Variants in DPF3 observed in about 807,000 individuals in gnomAD.
DPF3 encodes zinc finger protein DPF3.
A neutral mutation model predicts 56.8 loss-of-function variants in DPF3; 18 were observed. The ratio of observed to expected loss-of-function variants is 0.32; its 90% confidence interval spans 0.22 to 0.47. The LOEUF is 0.47. Among genes scored for constraint, DPF3 ranks in the 20% least tolerant of loss-of-function variants. The pLI, the probability that DPF3 is intolerant of heterozygous loss-of-function variation, is 1.00. For synonymous variants in DPF3, 188 were observed against 180.2 expected (o/e 1.04, Z -0.35); for missense variants, 403 against 488.8 (o/e 0.82, Z 1.65).
intron 3 of DPF3, among the ~76,000 whole-genome samples, chr14:72,742,060 G>T (rs902672604): frequency 1.3e-5 from 2 of 152,216 alleles, no homozygotes; most frequent in Non-Finnish European, 2.9e-5. Context: ...TCCTGAGACG[G>T]ACAGGAAGGC....
chr14:72,865,284 A>G (rs371966251), intron 1 of DPF3, among the ~76,000 whole-genome samples: 2 of 152,358 alleles, frequency 1.3e-5, no homozygotes, highest in South Asian at 4.1e-4. Context: ...CGGAGAGGAA[A>G]GGCAGACAAA....
rs1883760854 is a variant in DPF3, at chr14:72,612,069, G to A, written c.*7228C>T. 6.6e-6 allele frequency among the ~76,000 whole-genome samples: 1 copy of A among 152,116 alleles called. No homozygotes were observed. Among genetic ancestry groups the A allele is most frequent in the Admixed American group, 6.5e-5 (1 of 15,268 alleles). On this transcript the variant is annotated 3_prime_UTR_variant, in exon 11 of 11. Coordinates refer to ENST00000556509, the MANE Select transcript of DPF3 (RefSeq NM_001280542.3). ...ATGCCCTGCCAAGGGTTTTAATTTA[G>A]CCAGTAACAGCCTGCCCTGCAATGA...
At chr14:72,670,670 T>C in intron 8 of DPF3, 1 of 988,084 alleles carries the variant, frequency 1.0e-6, no homozygotes, top group Non-Finnish European at 1.2e-6. Context: ...GCAAAAAAAG[T>C]CTGATTCTAA....
At chr14:72,651,466 G>C (rs941535920) in intron 8 of DPF3, among the ~76,000 whole-genome samples, 5 of 152,232 alleles carry the variant, frequency 3.3e-5, no homozygotes, top group African/African-American at 1.2e-4. Flanking sequence ...GGCTTTCACA[G>C]AAGGGGAGCC....
intron 1 of DPF3, among the ~76,000 whole-genome samples, chr14:72,810,299 A>AG (rs1346402888): frequency 6.6e-6 from 1 of 152,168 alleles, no homozygotes; most frequent in Non-Finnish European, 1.5e-5. Flanking sequence ...GCTAAATGGG[A>AG]GCACACCTAT....
chr14:72,800,743 T>G (rs1892857343), intron 1 of DPF3, among the ~76,000 whole-genome samples: 1 of 151,974 alleles, frequency 6.6e-6, no homozygotes, highest in African/African-American at 2.4e-5. Flanking sequence ...CATGGGTGGA[T>G]GCATGGATGG....
At chr14:72,775,681 C>G (rs1891717628) in intron 1 of DPF3, among the ~76,000 whole-genome samples, 1 of 152,248 alleles carries the variant, frequency 6.6e-6, no homozygotes, top group African/African-American at 2.4e-5. Context: ...AAGATCGAAG[C>G]TGCAAAAACA....
chr14:72,679,657 T>C (rs1373610152), intron 7 of DPF3, among the ~76,000 whole-genome samples: 1 of 152,240 alleles, frequency 6.6e-6, no homozygotes, highest in Non-Finnish European at 1.5e-5. Context: ...GTCTGACATG[T>C]TTCCATGGCA....
At chr14:72,815,959 A>G (rs1599466731) in intron 1 of DPF3, among the ~76,000 whole-genome samples, 1 of 152,230 alleles carries the variant, frequency 6.6e-6, no homozygotes, top group East Asian at 1.9e-4. Flanking sequence ...TGGGAAACAT[A>G]TAAGTAGTTC....
intron 1 of DPF3, among the ~76,000 whole-genome samples, chr14:72,772,241 A>G (rs1891566605): frequency 6.6e-6 from 1 of 152,232 alleles, no homozygotes; most frequent in African/African-American, 2.4e-5. Context: ...AACCTTCTGC[A>G]TGGAATCTAG....
intron 2 of DPF3, among the ~76,000 whole-genome samples, chr14:72,761,427 C>T (rs1023681102): frequency 2.0e-4 from 31 of 152,096 alleles, no homozygotes; most frequent in African/African-American, 5.3e-4. Flanking sequence ...ACTTTGGAAA[C>T]GTCCCAAGTG....
Position 72,714,485 on chromosome 14 carries a change from C to A in DPF3, c.542G>T (p.Gly181Val), listed in dbSNP as rs1480320832. 2 of 1,613,680 alleles carry A rather than the reference C, an allele frequency of 1.2e-6. No homozygotes were observed. Among genetic ancestry groups the A allele is most frequent in the African/African-American group, 2.7e-5 (2 of 74,906 alleles). ...RTRGRARGSAGGRRRHDAASQ... is the reference protein window; with the variant it reads ...RTRGRARGSAVGRRRHDAASQ... ...GGCGGCGTCGTGCCTCCTCCTGCCCCCTGCAGAGCCGCGAGCCTGGGGAGA... is the reference window on the plus strand; with the variant it reads ...GGCGGCGTCGTGCCTCCTCCTGCCCACTGCAGAGCCGCGAGCCTGGGGAGA... The change falls in exon 6 of 11, where the codon GGG becomes GTG. Residue 181 changes from glycine (G) to valine (V), a missense_variant. Gly to Val is a moderately radical substitution (Grantham distance 109, BLOSUM62 -3). Coordinates refer to ENST00000556509, the MANE Select transcript of DPF3 (RefSeq NM_001280542.3).
rs1884134677 is a variant in DPF3 at position 72,617,122 on chromosome 14, G to A, written c.*2175C>T. Among the ~76,000 whole-genome samples the A allele has an allele frequency of 6.6e-6, 1 of 152,176 alleles. No homozygotes were observed. The highest frequency in any genetic ancestry group is 1.5e-5 in the Non-Finnish European group (1 of 68,040). On this transcript the variant is annotated 3_prime_UTR_variant, in exon 11 of 11. Coordinates refer to ENST00000556509, the MANE Select transcript of DPF3 (RefSeq NM_001280542.3). ...AGCTTGTGTAGGCAGAGCAGACATG[G>A]GGCTGAGATCGAACAGGGCTGCCCT... is the stretch of plus-strand genomic sequence containing the variant.
chr14:72,822,573 A>G (rs1883601503), intron 1 of DPF3, among the ~76,000 whole-genome samples: 1 of 152,230 alleles, frequency 6.6e-6, no homozygotes, highest in South Asian at 2.1e-4. Flanking sequence ...ATACTGAAAG[A>G]CTAGGGTCTG....
intron 7 of DPF3, among the ~76,000 whole-genome samples, chr14:72,692,871 G>A (rs1176565772): frequency 6.6e-6 from 1 of 152,172 alleles, no homozygotes; most frequent in Non-Finnish European, 1.5e-5. Context: ...TGTGAGCCCA[G>A]CCCTGCTATT....
chr14:72,661,795 C>A (rs1478160360), intron 8 of DPF3: 1 of 983,956 alleles, frequency 1.0e-6, no homozygotes, highest in Non-Finnish European at 1.2e-6. Flanking sequence ...TTCCTCATCT[C>A]TTCTAGGAGT....
intron 1 of DPF3, among the ~76,000 whole-genome samples, chr14:72,880,224 C>G (rs1272382584): frequency 1.3e-5 from 2 of 152,244 alleles, no homozygotes; most frequent in African/African-American, 4.8e-5. Flanking sequence ...AAACCAGTAT[C>G]TCTTTCCATA....
chr14:72,741,966 A>C (rs1318017055), intron 3 of DPF3, among the ~76,000 whole-genome samples: 1 of 152,252 alleles, frequency 6.6e-6, no homozygotes, highest in Non-Finnish European at 1.5e-5. Context: ...CCAAGCTCCC[A>C]GAGCCCTGCA....
rs188895344 is a variant in DPF3, at chr14:72,611,724, C to G, written c.*7573G>C. On this transcript the variant is annotated 3_prime_UTR_variant, in exon 11 of 11. Coordinates refer to ENST00000556509, the MANE Select transcript of DPF3 (RefSeq NM_001280542.3). ...TTTTAATGCTGAGGATGCTGTCATC[C>G]AAGGGCATCCAGTGCTTGGAAAAGC... 4.4e-3 allele frequency among the ~76,000 whole-genome samples: 664 copies of G among 152,268 alleles called. 3 individuals are homozygous for G. Among genetic ancestry groups the G allele is most frequent in the Non-Finnish European group, 6.3e-3 (427 of 68,028 alleles).
Sources: gnomAD v4.1 joint callset for allele counts (sites outside exome capture counted in the v4.1 genomes callset) on GRCh38, gnomAD v4.1.1 for gene constraint, MANE v1.5 for transcripts, NCBI Gene and HGNC (gene_info 2026-07-23, HGNC 2026-07-21) for gene names.